The following DENND4A variants were observed in gnomAD, a reference collection of about 807,000 sequenced individuals.
DENND4A encodes the protein DENN domain containing 4A.
Under a neutral mutation model 199.3 loss-of-function variants are expected in DENND4A, and 70 were observed. That is an observed-to-expected ratio of 0.35 (90% confidence interval 0.29 to 0.43). The LOEUF (loss-of-function observed/expected upper bound fraction) is 0.43, where lower values mean the gene tolerates loss of function less well. Among genes scored for constraint, DENND4A ranks in the 20% least tolerant of loss-of-function variants. The pLI is 1.00. For missense variants in DENND4A, 1,723 were observed against 2,255.8 expected (o/e 0.76, Z 4.78); for synonymous variants, 686 against 766.9 (o/e 0.89, Z 1.74).
At chr15:65,731,412 ATAG>A (rs1303407525) in intron 9 of DENND4A, 1 of 548,572 alleles carries the variant, frequency 1.8e-6, no homozygotes, top group Non-Finnish European at 3.5e-6. Flanking sequence ...CACTTACACA[ATAG>A]TAGGTATTTG....
At chr15:65,709,523 T>A (rs189480948) in intron 14 of DENND4A, among the ~76,000 whole-genome samples, 10 of 151,390 alleles carry the variant, frequency 6.6e-5, no homozygotes, top group South Asian at 2.1e-4. Context: ...CTGACCAACA[T>A]GGAGAAACTA....
rs1349700268 is a variant in DENND4A at position 65,660,104 on chromosome 15, A to C, written c.*1747T>G. On this transcript the variant is annotated 3_prime_UTR_variant, in exon 33 of 33. Transcript: ENST00000443035. Reference sequence around the variant, plus strand: ...ACAACTTTCAAATGATTTAAAGAACATGAAGAACAAGTAGAACATGAAGCT... The same window carrying C: ...ACAACTTTCAAATGATTTAAAGAACCTGAAGAACAAGTAGAACATGAAGCT... 10 of 528,800 alleles carry C rather than the reference A, an allele frequency of 1.9e-5. No homozygotes were observed. In the Admixed American group the frequency reaches 2.8e-4, roughly 15 times the overall value. The allele number at this position is 528,800 out of a possible 1,614,324, so 32.8% of individuals were successfully genotyped here. A position where few individuals can be genotyped will look rare whatever the true frequency, so the allele number is the denominator to read the frequency against.
At position 65,756,559 on chromosome 15, in the gene DENND4A, CA is replaced by C. The variant is rs1425960753; in HGVS notation, c.-22-88del. 3 of 866,684 alleles carry C rather than the reference CA, an allele frequency of 3.5e-6. No homozygotes were observed. In the African/African-American group the frequency reaches 5.1e-5, roughly 15 times the overall value. The allele number at this position is 866,684 out of a possible 1,614,324, so 53.7% of individuals were successfully genotyped here. A position where few individuals can be genotyped will look rare whatever the true frequency, so the allele number is the denominator to read the frequency against. The stretch of plus-strand genomic sequence containing the variant: ...GTGTGCAAATAAGAACAAAAAACTA[CA>C]AAAAGAGCACTAGTTCCTTGATAAA... On this transcript the variant is annotated intron_variant, in intron 2 of 32. Transcript: ENST00000443035.
At chr15:65,667,770 G>T in intron 28 of DENND4A, 67 bp from the exon 29 acceptor site, 1 of 1,530,904 alleles carries the variant, frequency 6.5e-7, no homozygotes, top group South Asian at 1.2e-5. Flanking sequence ...AAAATTCAAT[G>T]ATTCCCATAT....
At chr15:65,664,072 T>C (rs1314233110) in intron 32 of DENND4A, among the ~76,000 whole-genome samples, 2 of 152,208 alleles carry the variant, frequency 1.3e-5, no homozygotes, top group Non-Finnish European at 2.9e-5. Flanking sequence ...TTAGTGTTTT[T>C]TTGGTATATT....
intron 23 of DENND4A, among the ~76,000 whole-genome samples, chr15:65,689,883 GA>G (rs1448096219): frequency 2.0e-5 from 3 of 152,182 alleles, no homozygotes; most frequent in African/African-American, 7.2e-5. Flanking sequence ...CCCTCAGGGA[GA>G]AAGTGGCTCT....
At chr15:65,712,289 C>T (rs1156965943) in intron 14 of DENND4A, among the ~76,000 whole-genome samples, 1 of 152,088 alleles carries the variant, frequency 6.6e-6, no homozygotes, top group Admixed American at 6.6e-5. Flanking sequence ...ACAAATCATT[C>T]AAAAATTGAA....
chr15:65,691,021 T>C lies in DENND4A; in HGVS notation c.3573A>G (p.Gln1191=), dbSNP rs1360946283. ...CVATQNPKRI[Q]RMNSSFSVKP... ...TTACTGAAAAGCTGCTGTTCATACG[T>C]TGAATCCTCTTGGGATTTTGTGTAG... Residue 1191 remains glutamine, a synonymous_variant, in exon 23 of 33, where the codon CAA becomes CAG. Coordinates refer to ENST00000443035, the MANE Select transcript of DENND4A (RefSeq NM_001320835.1). 8 of 1,611,818 alleles carry C rather than the reference T, an allele frequency of 5.0e-6. No individual in the cohort carries two copies. The highest frequency in any genetic ancestry group is 1.7e-5 in the Admixed American group (1 of 59,594).
At position 65,731,640 on chromosome 15, in the gene DENND4A, G is replaced by C; in HGVS notation, c.1166+2C>G. On this transcript the variant is annotated splice_donor_variant, in intron 9 of 32. Transcript: ENST00000443035. LOFTEE classifies it high-confidence loss of function. ...AATAAATAGAAATGAGGTTTTACTT[G>C]CCTTAGTGGAAGAGGTGAAGACACA... 6.5e-7 allele frequency: 1 copy of C among 1,545,728 alleles called. No homozygotes were observed. The highest frequency in any genetic ancestry group is 8.8e-7 in the Non-Finnish European group (1 of 1,140,336).
intron 14 of DENND4A, among the ~76,000 whole-genome samples, chr15:65,708,162 A>G (rs895640119): frequency 6.9e-6 from 1 of 144,692 alleles, no homozygotes; most frequent in African/African-American, 2.5e-5. Flanking sequence ...ACACCCAGCT[A>G]ATTTTTCTTT....
At chr15:65,721,146 C>T (rs2075627970) in intron 12 of DENND4A, among the ~76,000 whole-genome samples, 1 of 151,226 alleles carries the variant, frequency 6.6e-6, no homozygotes, top group African/African-American at 2.4e-5. Flanking sequence ...GCTACAATAG[C>T]TGTTGGGCTT....
intron 4 of DENND4A, among the ~76,000 whole-genome samples, chr15:65,742,691 G>A (rs1222611425): frequency 1.3e-5 from 2 of 152,098 alleles, no homozygotes; most frequent in African/African-American, 4.8e-5. Context: ...TGTCCGCCTC[G>A]GCCTCCCAAA....
chr15:65,744,814 G>C (rs1196816324), intron 4 of DENND4A, among the ~76,000 whole-genome samples: 1 of 152,070 alleles, frequency 6.6e-6, no homozygotes, highest in Non-Finnish European at 1.5e-5. Context: ...AATTAAATAA[G>C]AATTGTACTT....
At chr15:65,759,461 G>A (rs377074621) in intron 2 of DENND4A, among the ~76,000 whole-genome samples, 3 of 151,900 alleles carry the variant, frequency 2.0e-5, no homozygotes, top group African/African-American at 7.3e-5. Context: ...CTGGGCGACC[G>A]AGCGAGACTC....
chr15:65,669,445 T>C (rs1012654019), intron 27 of DENND4A, among the ~76,000 whole-genome samples: 4 of 152,218 alleles, frequency 2.6e-5, no homozygotes, highest in African/African-American at 9.6e-5. Flanking sequence ...TAGTATTGAC[T>C]TAATTCCTGA....
At chr15:65,679,826 T>G (rs1235636659) in intron 23 of DENND4A, among the ~76,000 whole-genome samples, 1 of 152,140 alleles carries the variant, frequency 6.6e-6, no homozygotes, top group Non-Finnish European at 1.5e-5. Flanking sequence ...AGTGCCTGGA[T>G]GGGTAATTGG....
chr15:65,781,587 T>G (rs931704817), intron 1 of DENND4A, among the ~76,000 whole-genome samples: 2 of 152,180 alleles, frequency 1.3e-5, no homozygotes, highest in Non-Finnish European at 2.9e-5. Context: ...TCATGAATGA[T>G]TCCAAAGTTT....
At chr15:65,715,759 G>A in intron 13 of DENND4A, 136 bp from the exon 14 acceptor site, 6 of 728,578 alleles carry the variant, frequency 8.2e-6, no homozygotes, top group South Asian at 6.5e-5. Flanking sequence ...GTGCTGAGAG[G>A]GAAAATGACC....
Position 65,701,903 on chromosome 15 carries a change from T to C in DENND4A, c.2431-13A>G, listed in dbSNP as rs994625480. The stretch of plus-strand genomic sequence containing the variant: ...TGCGGTAGCATACCTGAAATACAAG[T>C]TCAAAATTGTACCGAAACACAGATG... On this transcript the variant is annotated splice_polypyrimidine_tract_variant and intron_variant, in intron 17 of 32. Transcript: ENST00000443035. 2 of 1,613,446 alleles carry C rather than the reference T, an allele frequency of 1.2e-6. No homozygotes were observed. Among genetic ancestry groups the C allele is most frequent in the African/African-American group, 1.3e-5 (1 of 75,024 alleles).
Sources: gnomAD v4.1 joint callset for allele counts (sites outside exome capture counted in the v4.1 genomes callset) on GRCh38, gnomAD v4.1.1 for gene constraint, MANE v1.5 for transcripts, NCBI Gene and HGNC (gene_info 2026-07-23, HGNC 2026-07-21) for gene names.